The following CIMIP1 variants were observed in gnomAD, a reference collection of about 807,000 sequenced individuals.
The protein encoded by CIMIP1 is low in lung cancer 1.
chr20:58,152,075 A>T, the CIMIP1 span, among the ~76,000 whole-genome samples: 1 of 152,228 alleles, frequency 6.6e-6, no homozygotes, highest in Non-Finnish European at 1.5e-5. Flanking sequence ...TAGTCACTTC[A>T]TATGTGTCTT....
chr20:58,152,297 C>G, the CIMIP1 span, among the ~76,000 whole-genome samples: 1 of 152,282 alleles, frequency 6.6e-6, no homozygotes, highest in East Asian at 1.9e-4. Flanking sequence ...GCTCATCCTT[C>G]AAGACCCAAA....
At chr20:58,160,015 C>T in the CIMIP1 span, among the ~76,000 whole-genome samples, 1 of 152,224 alleles carries the variant, frequency 6.6e-6, no homozygotes, top group African/African-American at 2.4e-5. Flanking sequence ...AAATGTCCCG[C>T]ACTGTTGCCT....
At chr20:58,158,544 G>T in the CIMIP1 span, among the ~76,000 whole-genome samples, 6 of 152,114 alleles carry the variant, frequency 3.9e-5, no homozygotes, top group Admixed American at 2.0e-4. Context: ...CAGCTACTCA[G>T]GAGGCTGAGG....
At chr20:58,153,008 G>A in the CIMIP1 span, among the ~76,000 whole-genome samples, 8 of 152,260 alleles carry the variant, frequency 5.3e-5, no homozygotes, top group African/African-American at 1.9e-4. Flanking sequence ...AATGTGGCAC[G>A]TGGGCTCGTC....
the CIMIP1 span, among the ~76,000 whole-genome samples, chr20:58,156,422 C>G: frequency 1.8e-4 from 27 of 151,712 alleles, no homozygotes; most frequent in African/African-American, 6.5e-4. Context: ...CAAGGCAAGG[C>G]GATGCGACAG....
chr20:58,152,411 A>T, the CIMIP1 span, among the ~76,000 whole-genome samples: 51 of 145,172 alleles, frequency 3.5e-4, 1 homozygote, highest in Admixed American at 6.4e-4. Flanking sequence ...TGCGTGACAA[A>T]TTACGATGAT....
the CIMIP1 span, chr20:58,155,624 G>A: frequency 1.4e-6 from 2 of 1,441,502 alleles, no homozygotes; most frequent in Non-Finnish European, 1.9e-6. Context: ...TCCTAAGTAA[G>A]AAATAAGCCC....
At chr20:58,156,634 G>T in the CIMIP1 span, among the ~76,000 whole-genome samples, 4 of 152,164 alleles carry the variant, frequency 2.6e-5, no homozygotes, top group Admixed American at 6.5e-5. Flanking sequence ...AAAAGATTGT[G>T]GGGAGAGGGA....
the CIMIP1 span, among the ~76,000 whole-genome samples, chr20:58,153,119 C>T: frequency 6.6e-6 from 1 of 152,260 alleles, no homozygotes; most frequent in Non-Finnish European, 1.5e-5. Flanking sequence ...GGCACTTGCG[C>T]TGCAATATTT....
chr20:58,150,956 C>T, the CIMIP1 span: 2 of 1,601,070 alleles, frequency 1.2e-6, no homozygotes, highest in Non-Finnish European at 1.7e-6. Flanking sequence ...CACAGAGCCC[C>T]CAGGCCTCAT....
the CIMIP1 span, among the ~76,000 whole-genome samples, chr20:58,158,420 A>G: frequency 3.3e-5 from 5 of 152,154 alleles, no homozygotes; most frequent in African/African-American, 1.2e-4. Context: ...GGAGGCCGAG[A>G]CAGGCGGATC....
the CIMIP1 span, among the ~76,000 whole-genome samples, chr20:58,151,227 C>T: frequency 6.6e-6 from 1 of 152,078 alleles, no homozygotes; most frequent in African/African-American, 2.4e-5. Flanking sequence ...GACAGGAGGG[C>T]CTTTCTCCGT....
At chr20:58,160,606 G>A in the CIMIP1 span, 29 of 1,564,594 alleles carry the variant, frequency 1.9e-5, no homozygotes, top group South Asian at 3.4e-4. Flanking sequence ...CCGATGCTGG[G>A]TGCCTCGTGT....
At chr20:58,152,712 G>A in the CIMIP1 span, among the ~76,000 whole-genome samples, 3 of 86,910 alleles carry the variant, frequency 3.5e-5, no homozygotes, top group South Asian at 4.7e-4. Flanking sequence ...AAAAAAAGGC[G>A]AAACTCCATC....
At chr20:58,157,534 C>A in the CIMIP1 span, among the ~76,000 whole-genome samples, 494 of 152,312 alleles carry the variant, frequency 3.2e-3, 3 homozygotes, top group Non-Finnish European at 4.3e-3. Flanking sequence ...TTCCACCTAA[C>A]AACATACCCT....
At chr20:58,150,950 G>A in the CIMIP1 span, 1 of 1,597,978 alleles carries the variant, frequency 6.3e-7, no homozygotes, top group South Asian at 1.1e-5. Flanking sequence ...GGGGCGCACA[G>A]AGCCCCCAGG....
chr20:58,152,729 A>G, the CIMIP1 span, among the ~76,000 whole-genome samples: 676 of 151,296 alleles, frequency 4.5e-3, 3 homozygotes, highest in South Asian at 8.1e-3. Flanking sequence ...CATCAAAAAA[A>G]AAAAAAAAAA....
the CIMIP1 span, among the ~76,000 whole-genome samples, chr20:58,160,303 C>T: frequency 1.5e-3 from 224 of 152,272 alleles, 1 homozygote; most frequent in African/African-American, 5.2e-3. Flanking sequence ...GTGCACCTGC[C>T]GCAATGCCAT....
chr20:58,157,622 G>T, the CIMIP1 span, among the ~76,000 whole-genome samples: 327 of 152,246 alleles, frequency 2.1e-3, no homozygotes, highest in African/African-American at 6.0e-3. Context: ...CCACTGTGTG[G>T]ATCTGTCATA....
Sources: gnomAD v4.1 joint callset for allele counts (sites outside exome capture counted in the v4.1 genomes callset) on GRCh38, gnomAD v4.1.1 for gene constraint, MANE v1.5 for transcripts, NCBI Gene and HGNC (gene_info 2026-07-23, HGNC 2026-07-21) for gene names.